Variants in SLC9C1 observed in about 807,000 individuals in gnomAD.
SLC9C1 encodes sodium/hydrogen exchanger 10.
A neutral mutation model predicts 140.9 loss-of-function variants in SLC9C1; 97 were observed. That is an observed-to-expected ratio of 0.69 (90% CI 0.58 to 0.82). The LOEUF is 0.82. SLC9C1 is among the 40% of genes least tolerant of loss of function. The pLI is 0.00. For missense variants in SLC9C1, 1,340 were observed against 1,389.3 expected, an observed-to-expected ratio of 0.96 and a Z score of 0.56; for synonymous variants, 440 against 442.6, an observed-to-expected ratio of 0.99 and a Z score of 0.07.
At chr3:112,230,318 T>G (rs866592588) in intron 13 of SLC9C1, among the ~76,000 whole-genome samples, 2 of 152,178 alleles carry the variant, frequency 1.3e-5, no homozygotes, top group Middle Eastern at 3.2e-3. Flanking sequence ...ATGACTAGCT[T>G]GTCCATTTAC....
chr3:112,210,656 C>T (rs1162806587), intron 15 of SLC9C1, among the ~76,000 whole-genome samples: 2 of 152,084 alleles, frequency 1.3e-5, no homozygotes, highest in East Asian at 3.8e-4. Flanking sequence ...ATGAAATTTA[C>T]CTCAATTAAA....
intron 10 of SLC9C1, among the ~76,000 whole-genome samples, chr3:112,248,030 A>G (rs1353380965): frequency 6.6e-6 from 1 of 152,158 alleles, no homozygotes; most frequent in Non-Finnish European, 1.5e-5. Context: ...TAGGTTATAA[A>G]AAGACCGTGG....
At chr3:112,217,645 T>C in intron 14 of SLC9C1, 84 bp from the exon 15 acceptor site, 1 of 1,230,674 alleles carries the variant, frequency 8.1e-7, no homozygotes, top group Non-Finnish European at 1.1e-6. Flanking sequence ...ATGTTGTACA[T>C]AAGTTTAATT....
intron 13 of SLC9C1, among the ~76,000 whole-genome samples, chr3:112,229,801 G>A (rs1434699504): frequency 6.6e-6 from 1 of 152,074 alleles, no homozygotes; most frequent in Admixed American, 6.6e-5. Flanking sequence ...GAAAAGTTGT[G>A]TGAGCAATGA....
chr3:112,277,824 A>G lies in SLC9C1; in HGVS notation c.355T>C (p.Tyr119His). Reference protein sequence around the residue: ...LISIPGFLVNYILVLWHLASV... With the variant: ...LISIPGFLVNHILVLWHLASV... ...GCCAGATGCCAAAGAACTAAGATAT[A>G]ATTAACCAAAAAGCCGGGAATTGAA... Residue 119 changes from tyrosine to histidine, a missense_variant, in exon 5 of 29, where the codon TAT becomes CAT. Physicochemically the swap from Tyr to His is moderately conservative, Grantham distance 83. Transcript: ENST00000305815. The G allele has an allele frequency of 6.2e-7, 1 of 1,602,548 alleles. No individual in the cohort carries two copies. The highest frequency in any genetic ancestry group is 8.5e-7 in the Non-Finnish European group (1 of 1,176,770).
chr3:112,258,675 G>T (rs147271402), intron 10 of SLC9C1, among the ~76,000 whole-genome samples: 246 of 152,168 alleles, frequency 1.6e-3, no homozygotes, highest in African/African-American at 5.7e-3. Context: ...GGCTGGGCTG[G>T]TCTCAAACTC....
chr3:112,268,471 A>T (rs1414418885), intron 7 of SLC9C1, among the ~76,000 whole-genome samples: 1 of 152,136 alleles, frequency 6.6e-6, no homozygotes, highest in Non-Finnish European at 1.5e-5. Context: ...TTAGGTCCAA[A>T]CTATTTGTTA....
chr3:112,282,122 T>TGC (rs1196629251), intron 2 of SLC9C1, among the ~76,000 whole-genome samples: 2 of 152,208 alleles, frequency 1.3e-5, no homozygotes, highest in Non-Finnish European at 2.9e-5. Flanking sequence ...CAAAAACCAT[T>TGC]GCACCCAGAT....
chr3:112,214,108 A>G (rs2078286142), intron 15 of SLC9C1, among the ~76,000 whole-genome samples: 1 of 152,248 alleles, frequency 6.6e-6, no homozygotes, highest in Non-Finnish European at 1.5e-5. Context: ...CTGAGTGACT[A>G]CTGGGTACAT....
At chr3:112,239,246 C>G (rs928501355) in intron 12 of SLC9C1, among the ~76,000 whole-genome samples, 1 of 152,248 alleles carries the variant, frequency 6.6e-6, no homozygotes, top group Non-Finnish European at 1.5e-5. Context: ...GTGTGGGACC[C>G]TCCGAGCCAG....
chr3:112,165,607 T>G (rs535910246), intron 26 of SLC9C1, among the ~76,000 whole-genome samples: 1 of 152,324 alleles, frequency 6.6e-6, no homozygotes, highest in South Asian at 2.1e-4. Flanking sequence ...CAGCAAATGT[T>G]GCTACCTGAT....
rs536782696 is a variant in SLC9C1 at position 112,277,493 on chromosome 3, T to C, written c.484+202A>G. On this transcript the variant is annotated intron_variant, in intron 5 of 28. Transcript: ENST00000305815. ...TATTCCACAATTGCGTATAATACTT[T>C]TTTTGACACTAAGTAAGCCCATCAC... Among the ~76,000 whole-genome samples, 4 of 152,198 alleles carry C rather than the reference T, an allele frequency of 2.6e-5. No individual in the cohort carries two copies. The East Asian group carries it at 5.8e-4, about 22-fold the overall frequency.
chr3:112,232,980 C>T (rs2078868137), intron 12 of SLC9C1, among the ~76,000 whole-genome samples: 1 of 150,796 alleles, frequency 6.6e-6, no homozygotes, highest in African/African-American at 2.4e-5. Context: ...CCCCTGACCC[C>T]TCCCAATTTG....
intron 20 of SLC9C1, among the ~76,000 whole-genome samples, chr3:112,186,181 G>A (rs1442602884): frequency 3.3e-5 from 5 of 151,970 alleles, no homozygotes; most frequent in Non-Finnish European, 7.4e-5. Context: ...CCTTTTTGTG[G>A]ACTTTTAGTT....
At chr3:112,242,767 G>A (rs528438735) in intron 11 of SLC9C1, among the ~76,000 whole-genome samples, 12 of 151,846 alleles carry the variant, frequency 7.9e-5, no homozygotes, top group Admixed American at 3.9e-4. Flanking sequence ...TTCTATACCC[G>A]TATCAAAATA....
At position 112,293,541 on chromosome 3, in the gene SLC9C1, A is replaced by G. The variant is rs1347951164; in HGVS notation, c.-88+552T>C. On this transcript the variant is annotated intron_variant, in intron 1 of 28. Coordinates refer to ENST00000305815, the MANE Select transcript of SLC9C1 (RefSeq NM_183061.3). ...CCTGAAGAGGGCACTGTGGGATCTC[A>G]GTAATCTTCACAGCTACAAAGCTCA... Among the ~76,000 whole-genome samples the G allele has an allele frequency of 3.9e-5, 6 of 152,342 alleles. No homozygotes were observed. In the East Asian group the frequency reaches 7.7e-4, roughly 20 times the overall value.
intron 16 of SLC9C1, among the ~76,000 whole-genome samples, chr3:112,206,256 C>T (rs918968921): frequency 2.6e-5 from 4 of 151,958 alleles, no homozygotes; most frequent in Non-Finnish European, 5.9e-5. Flanking sequence ...AAATGCTCAT[C>T]ATCACTGGTC....
At chr3:112,206,456 C>T (rs1220660692) in intron 16 of SLC9C1, among the ~76,000 whole-genome samples, 1 of 151,976 alleles carries the variant, frequency 6.6e-6, no homozygotes, top group Non-Finnish European at 1.5e-5. Flanking sequence ...GGATCTAGAA[C>T]TAGAAATACC....
chr3:112,204,342 G>A lies in SLC9C1; in HGVS notation c.2048C>T (p.Thr683Ile), dbSNP rs1301804738. ...TATTACATGTAAGATGCCAATTAAT[G>A]TAATTGCTAACTCGAATATGTTCCA... Reference protein sequence around the residue: ...HAWNIFELAITLIGILHVILI... With the variant: ...HAWNIFELAIILIGILHVILI... The change falls in exon 17 of 29, where the codon ACA becomes ATA. Residue 683 changes from threonine to isoleucine, a missense_variant. Coordinates refer to ENST00000305815, the MANE Select transcript of SLC9C1 (RefSeq NM_183061.3). 1.2e-5 allele frequency: 19 copies of A among 1,573,806 alleles called. No individual in the cohort carries two copies. The highest frequency in any genetic ancestry group is 1.5e-5 in the Non-Finnish European group (18 of 1,166,128).
Sources: gnomAD v4.1 joint callset for allele counts (sites outside exome capture counted in the v4.1 genomes callset) on GRCh38, gnomAD v4.1.1 for gene constraint, MANE v1.5 for transcripts, NCBI Gene and HGNC (gene_info 2026-07-23, HGNC 2026-07-21) for gene names.